WWOX: variants seen among roughly 807,000 people sequenced by gnomAD.
The protein encoded by WWOX is WW domain containing oxidoreductase.
A neutral mutation model predicts 46.2 loss-of-function variants in WWOX; 69 were observed. The observed-to-expected ratio is 1.49, with a 90% CI of 1.23 to 1.82. WWOX has a LOEUF of 1.82. Ranked by LOEUF, WWOX falls within the 40% of genes most tolerant of loss-of-function variation. The pLI is 0.00. For synonymous variants in WWOX, 359 were observed against 202.6 expected (o/e 1.77, Z -6.56); for missense variants, 919 against 542.6 (o/e 1.69, Z -6.89).
At chr16:78,508,310 CTTTTTTTT>C (rs60281450) in intron 8 of WWOX, among the ~76,000 whole-genome samples, 17 of 112,768 alleles carry the variant, frequency 1.5e-4, no homozygotes, top group African/African-American at 6.8e-4. Context: ...TGCGCCCGGC[CTTTTTTTT>C]TTTTTTTTTT....
chr16:78,333,692 G>A (rs1204499523), intron 5 of WWOX, among the ~76,000 whole-genome samples: 3 of 152,140 alleles, frequency 2.0e-5, no homozygotes, highest in Admixed American at 6.5e-5. Context: ...ATATATGTTT[G>A]TATATATGTA....
intron 8 of WWOX, among the ~76,000 whole-genome samples, chr16:78,639,488 C>T (rs546194598): frequency 1.3e-5 from 2 of 152,190 alleles, no homozygotes; most frequent in South Asian, 4.2e-4. Context: ...GAGAATAAAC[C>T]CGGAGTTGCC....
chr16:78,313,679 A>G (rs1389145992), intron 5 of WWOX, among the ~76,000 whole-genome samples: 1 of 152,050 alleles, frequency 6.6e-6, no homozygotes, highest in African/African-American at 2.4e-5. Context: ...TGTTTTTCCT[A>G]CGTACCGTGA....
At chr16:78,513,991 T>A (rs1307066283) in intron 8 of WWOX, among the ~76,000 whole-genome samples, 1 of 151,020 alleles carries the variant, frequency 6.6e-6, no homozygotes, top group Admixed American at 6.6e-5. Flanking sequence ...AAGTCCTGGT[T>A]CACACAGTGT....
chr16:78,990,374 G>A (rs534534342), intron 8 of WWOX, among the ~76,000 whole-genome samples: 1 of 152,272 alleles, frequency 6.6e-6, no homozygotes, highest in Admixed American at 6.5e-5. Context: ...CGCAGCCTGA[G>A]GAGCCTCAAC....
intron 8 of WWOX, among the ~76,000 whole-genome samples, chr16:78,779,388 C>A (rs564257699): frequency 2.6e-5 from 4 of 152,208 alleles, no homozygotes; most frequent in South Asian, 2.1e-4. Flanking sequence ...CTCAAGAAAT[C>A]CTTCCACCTC....
chr16:78,135,761 G>T (rs1028489139), intron 4 of WWOX, among the ~76,000 whole-genome samples: 3 of 152,144 alleles, frequency 2.0e-5, no homozygotes, highest in African/African-American at 7.2e-5. Context: ...GATAATAGCA[G>T]GGAAAATGAC....
rs568627817 is a variant in WWOX at position 78,700,647 on chromosome 16, C to G, written c.1056+267895C>G. Among the ~76,000 whole-genome samples, 8 of 152,310 alleles carry G rather than the reference C, an allele frequency of 5.3e-5. No homozygotes were observed. In the South Asian group the frequency reaches 1.7e-3, roughly 32 times the overall value. ...ATAGGACCATTCCTCACTGTGCCAT[C>G]ATATTATACTTCCATATCGTGTGTC... On this transcript the variant is annotated intron_variant, in intron 8 of 8. Transcript: ENST00000566780.
intron 8 of WWOX, among the ~76,000 whole-genome samples, chr16:78,541,619 G>A (rs976721048): frequency 2.6e-5 from 4 of 151,688 alleles, no homozygotes; most frequent in African/African-American, 9.7e-5. Flanking sequence ...AATGAACTTG[G>A]CCAGACAGAC....
intron 6 of WWOX, among the ~76,000 whole-genome samples, chr16:78,402,150 C>G (rs1162006644): frequency 2.0e-5 from 3 of 152,232 alleles, no homozygotes; most frequent in African/African-American, 2.4e-5. Flanking sequence ...GCTACTTCCT[C>G]CAGTCCCAAG....
chr16:78,495,814 A>G (rs191940303), intron 8 of WWOX: 22 of 152,252 alleles, frequency 1.4e-4, no homozygotes, highest in Admixed American at 1.4e-3. Context: ...GGCCAGGAAG[A>G]TGGTCATGTT....
At chr16:78,775,825 G>C (rs1182050096) in intron 8 of WWOX, among the ~76,000 whole-genome samples, 1 of 152,158 alleles carries the variant, frequency 6.6e-6, no homozygotes, top group Non-Finnish European at 1.5e-5. Context: ...CTGAATCTAT[G>C]AGTGAATGTG....
intron 8 of WWOX, among the ~76,000 whole-genome samples, chr16:79,161,586 G>C (rs761037400): frequency 2.6e-5 from 4 of 152,138 alleles, no homozygotes; most frequent in African/African-American, 7.2e-5. Context: ...GCAGTGGCGT[G>C]ATCTTGGCTC....
intron 8 of WWOX, among the ~76,000 whole-genome samples, chr16:79,129,984 G>C (rs1037105683): frequency 1.3e-5 from 2 of 152,310 alleles, no homozygotes; most frequent in South Asian, 2.1e-4. Context: ...CTGTAAAATA[G>C]AGGTAATAAA....
chr16:78,268,917 C>A (rs547980696), intron 5 of WWOX, among the ~76,000 whole-genome samples: 3 of 152,188 alleles, frequency 2.0e-5, no homozygotes, highest in Admixed American at 2.0e-4. Context: ...CTAATTCTAT[C>A]CCTCTGAGGC....
intron 8 of WWOX, among the ~76,000 whole-genome samples, chr16:79,055,289 G>T (rs948263851): frequency 6.6e-6 from 1 of 152,166 alleles, no homozygotes; most frequent in Non-Finnish European, 1.5e-5. Flanking sequence ...AGTTCACATT[G>T]TGATAAAGAT....
intron 5 of WWOX, among the ~76,000 whole-genome samples, chr16:78,292,222 C>G (rs771991790): frequency 1.1e-4 from 16 of 152,062 alleles, no homozygotes; most frequent in Admixed American, 6.6e-5. Context: ...TCTCACCAGA[C>G]TGATGGTGCC....
At chr16:79,134,766 G>A (rs1225709906) in intron 8 of WWOX, among the ~76,000 whole-genome samples, 2 of 152,308 alleles carry the variant, frequency 1.3e-5, no homozygotes, top group East Asian at 3.9e-4. Flanking sequence ...TTAGCCAGGG[G>A]ATTTAGAAAT....
intron 8 of WWOX, among the ~76,000 whole-genome samples, chr16:78,838,262 C>T (rs1389803146): frequency 5.9e-5 from 9 of 151,846 alleles, no homozygotes; most frequent in Non-Finnish European, 1.0e-4. Flanking sequence ...GCAAAGCGAG[C>T]GTCAAAAAAA....
Sources: gnomAD v4.1 joint callset for allele counts (sites outside exome capture counted in the v4.1 genomes callset) on GRCh38, gnomAD v4.1.1 for gene constraint, MANE v1.5 for transcripts, NCBI Gene and HGNC (gene_info 2026-07-23, HGNC 2026-07-21) for gene names.